The following SMYD3 variants were observed in gnomAD, a reference collection of about 807,000 sequenced individuals.
The protein encoded by SMYD3 is SET and MYND domain containing 3.
In SMYD3, 36 loss-of-function variants were observed where a neutral mutation model predicts 57.7. That is an observed-to-expected ratio of 0.62 (90% CI 0.48 to 0.82). The LOEUF (loss-of-function observed/expected upper bound fraction) is 0.82. Ranked by LOEUF, SMYD3 falls within the 40% of genes least tolerant of loss-of-function variation. The probability of loss-of-function intolerance (pLI) is 0.00; values close to 1 mark genes in which losing one functional copy is unlikely to be tolerated. For missense variants in SMYD3, 515 were observed against 538.8 expected (o/e 0.96, Z 0.44); for synonymous variants, 211 against 195.0 (o/e 1.08, Z -0.68).
chr1:245,808,985 A>T (rs990692996), intron 10 of SMYD3, among the ~76,000 whole-genome samples: 1 of 151,476 alleles, frequency 6.6e-6, no homozygotes, highest in Non-Finnish European at 1.5e-5. Context: ...CTGGTCTTGG[A>T]CTCCTGACCT....
chr1:245,954,761 C>G (rs1234009044), intron 5 of SMYD3, among the ~76,000 whole-genome samples: 1 of 152,232 alleles, frequency 6.6e-6, no homozygotes, highest in Non-Finnish European at 1.5e-5. Flanking sequence ...CTCTCACATT[C>G]AGCCCTTTCT....
chr1:246,493,365 G>A (rs1345417825), intron 1 of SMYD3, among the ~76,000 whole-genome samples: 2 of 151,984 alleles, frequency 1.3e-5, no homozygotes, highest in Admixed American at 6.6e-5. Flanking sequence ...ATACATAAAT[G>A]GTTTCTAAAA....
chr1:246,020,773 A>T (rs10157657), intron 5 of SMYD3, among the ~76,000 whole-genome samples: 3 of 151,940 alleles, frequency 2.0e-5, no homozygotes, highest in Non-Finnish European at 2.9e-5. Flanking sequence ...AGGTTTTTCT[A>T]GGTTAGAAGC....
At chr1:246,017,363 T>A (rs532992672) in intron 5 of SMYD3, among the ~76,000 whole-genome samples, 2 of 152,164 alleles carry the variant, frequency 1.3e-5, no homozygotes, top group African/African-American at 4.8e-5. Context: ...ATTACTACCA[T>A]CCAATCCTAG....
At chr1:246,091,658 C>A (rs368421696) in intron 5 of SMYD3, among the ~76,000 whole-genome samples, 1 of 152,128 alleles carries the variant, frequency 6.6e-6, no homozygotes, top group African/African-American at 2.4e-5. Flanking sequence ...CACATACTTG[C>A]GTGGTTTAGA....
At chr1:246,322,415 G>A (rs1457306079) in intron 5 of SMYD3, 1 of 150,536 alleles carries the variant, frequency 6.6e-6, no homozygotes, top group Non-Finnish European at 1.5e-5. Context: ...GAAAATGGAA[G>A]TGGAGATTTA....
chr1:245,930,512 GAC>G (rs886172282), intron 5 of SMYD3: 21 of 255,992 alleles, frequency 8.2e-5, no homozygotes, highest in African/African-American at 4.8e-4. Context: ...CTGGGTACAT[GAC>G]ACAGTCCTGT....
At chr1:245,892,829 T>G (rs1011707833) in intron 8 of SMYD3, among the ~76,000 whole-genome samples, 1 of 152,146 alleles carries the variant, frequency 6.6e-6, no homozygotes, top group Non-Finnish European at 1.5e-5. Context: ...AGGTAAAGAT[T>G]TTCAGCTATG....
intron 5 of SMYD3, among the ~76,000 whole-genome samples, chr1:246,263,699 T>C (rs2064053400): frequency 1.3e-5 from 2 of 152,238 alleles, no homozygotes; most frequent in African/African-American, 2.4e-5. Context: ...TACAATTCTA[T>C]GTACCTTCAA....
At chr1:245,945,451 T>C (rs2057400567) in intron 5 of SMYD3, among the ~76,000 whole-genome samples, 1 of 152,060 alleles carries the variant, frequency 6.6e-6, no homozygotes, top group Non-Finnish European at 1.5e-5. Flanking sequence ...GAATGGTGAT[T>C]AAAAAGTCAA....
intron 5 of SMYD3, among the ~76,000 whole-genome samples, chr1:246,147,123 C>T (rs986637321): frequency 6.6e-6 from 1 of 152,134 alleles, no homozygotes; most frequent in Non-Finnish European, 1.5e-5. Context: ...TCCATATGTT[C>T]GCTGGTCAGG....
chr1:245,806,800 C>G (rs1215393336), intron 10 of SMYD3, among the ~76,000 whole-genome samples: 7 of 150,610 alleles, frequency 4.6e-5, no homozygotes, highest in Non-Finnish European at 8.8e-5. Flanking sequence ...GTCCCAGCTA[C>G]TCGGGAGGCT....
At chr1:246,328,511 T>C (rs981162545) in intron 4 of SMYD3, among the ~76,000 whole-genome samples, 1 of 152,206 alleles carries the variant, frequency 6.6e-6, no homozygotes, top group Non-Finnish European at 1.5e-5. Flanking sequence ...TGCTGTCTTT[T>C]AAAACTTGAA....
intron 11 of SMYD3, among the ~76,000 whole-genome samples, chr1:245,756,115 T>C (rs909107274): frequency 2.0e-5 from 3 of 148,424 alleles, no homozygotes; most frequent in African/African-American, 7.3e-5. Flanking sequence ...TATATATATA[T>C]ACACACACAT....
intron 8 of SMYD3, among the ~76,000 whole-genome samples, chr1:245,887,000 G>A (rs2053122987): frequency 6.6e-6 from 1 of 152,146 alleles, no homozygotes; most frequent in African/African-American, 2.4e-5. Context: ...ATTTCACAGG[G>A]TGTGTCCCTG....
At chr1:245,898,837 ACAAT>A (rs1162911462) in intron 8 of SMYD3, among the ~76,000 whole-genome samples, 2 of 152,214 alleles carry the variant, frequency 1.3e-5, no homozygotes, top group Non-Finnish European at 2.9e-5. Flanking sequence ...ACTTATGGAA[ACAAT>A]CAATTCCATT....
chr1:246,255,772 A>G (rs2063873012), intron 5 of SMYD3, among the ~76,000 whole-genome samples: 1 of 135,674 alleles, frequency 7.4e-6, no homozygotes, highest in Non-Finnish European at 1.6e-5. Flanking sequence ...TGTCTGGGGC[A>G]TTTTTTTTTT....
At chr1:245,886,797 T>C (rs1407699174) in intron 8 of SMYD3, among the ~76,000 whole-genome samples, 1 of 152,192 alleles carries the variant, frequency 6.6e-6, no homozygotes, top group African/African-American at 2.4e-5. Flanking sequence ...TTTTTCTGGC[T>C]ATTGCGGGTC....
intron 8 of SMYD3, among the ~76,000 whole-genome samples, chr1:245,881,349 G>C (rs2052767528): frequency 6.6e-6 from 1 of 152,192 alleles, no homozygotes; most frequent in South Asian, 2.1e-4. Flanking sequence ...TGTAGGTCTT[G>C]GTATGGGGAA....
Sources: gnomAD v4.1 joint callset for allele counts (sites outside exome capture counted in the v4.1 genomes callset) on GRCh38, gnomAD v4.1.1 for gene constraint, MANE v1.5 for transcripts, NCBI Gene and HGNC (gene_info 2026-07-23, HGNC 2026-07-21) for gene names.